Variants in CSMD1 observed in about 807,000 individuals in gnomAD.
The protein encoded by CSMD1 is CUB and sushi domain-containing protein 1.
CSMD1 carries 213 observed loss-of-function variants against 417.5 expected under a neutral mutation model. The observed-to-expected ratio is 0.51, with a 90% confidence interval of 0.46 to 0.57. The LOEUF (loss-of-function observed/expected upper bound fraction) is 0.57. Among genes scored for constraint, CSMD1 ranks in the 20% least tolerant of loss-of-function variants. CSMD1 has a pLI of 0.00. For synonymous variants in CSMD1, 2,862 were observed against 1,736.8 expected, an observed-to-expected ratio of 1.65 and a Z score of -16.11; for missense variants, 6,923 against 4,529.7, an observed-to-expected ratio of 1.53 and a Z score of -15.17.
intron 5 of CSMD1, among the ~76,000 whole-genome samples, chr8:3,968,862 A>G (rs1283300571): frequency 6.6e-6 from 1 of 152,230 alleles, no homozygotes; most frequent in East Asian, 1.9e-4. Context: ...TCGATCACAC[A>G]TCATCTTTTC....
At chr8:3,885,790 G>A (rs563914296) in intron 5 of CSMD1, among the ~76,000 whole-genome samples, 1 of 152,208 alleles carries the variant, frequency 6.6e-6, no homozygotes, top group East Asian at 1.9e-4. Context: ...ACAGAAAGCT[G>A]ACTTTCTTAA....
intron 5 of CSMD1, among the ~76,000 whole-genome samples, chr8:3,912,541 T>A (rs963063646): frequency 5.9e-5 from 9 of 152,154 alleles, no homozygotes; most frequent in African/African-American, 2.2e-4. Context: ...GGCTGGTTAA[T>A]CTTAGCTTCT....
intron 1 of CSMD1, among the ~76,000 whole-genome samples, chr8:4,713,610 T>G (rs1487296377): frequency 6.6e-6 from 1 of 151,870 alleles, no homozygotes; most frequent in South Asian, 2.1e-4. Flanking sequence ...CATATGATAA[T>G]GCATAAAGTT....
chr8:4,124,693 AGGGACT>A (rs1802666011), intron 3 of CSMD1, among the ~76,000 whole-genome samples: 1 of 152,192 alleles, frequency 6.6e-6, no homozygotes, highest in Non-Finnish European at 1.5e-5. Context: ...CTAGGTCAAT[AGGGACT>A]TCCCTAAGGG....
At chr8:2,977,222 G>A (rs188371429) in intron 55 of CSMD1, among the ~76,000 whole-genome samples, 1 of 152,222 alleles carries the variant, frequency 6.6e-6, no homozygotes, top group East Asian at 1.9e-4. Flanking sequence ...TAGGTACCAA[G>A]CCCCATATGC....
chr8:3,706,022 G>A lies in CSMD1; in HGVS notation c.1009+2392C>T, dbSNP rs371597425. On this transcript the variant is annotated intron_variant, in intron 7 of 69. Transcript: ENST00000635120. ...GATGGTAAAGGATTCATGAGGTGCTGAAGAGGAAACGGGGCTCATGGTGGG... is the reference window on the plus strand; with the variant it reads ...GATGGTAAAGGATTCATGAGGTGCTAAAGAGGAAACGGGGCTCATGGTGGG... Among the ~76,000 whole-genome samples the A allele has an allele frequency of 5.3e-5, 8 of 152,362 alleles. No individual in the cohort carries two copies. The South Asian group carries it at 6.2e-4, about 12-fold the overall frequency.
intron 41 of CSMD1, among the ~76,000 whole-genome samples, chr8:3,125,803 C>G (rs369302300): frequency 6.4e-4 from 98 of 152,220 alleles, no homozygotes; most frequent in African/African-American, 2.3e-3. Flanking sequence ...ATGGTGAAAT[C>G]CTATCTCTAC....
intron 3 of CSMD1, among the ~76,000 whole-genome samples, chr8:4,043,925 T>A (rs1432289274): frequency 6.6e-6 from 1 of 152,196 alleles, no homozygotes; most frequent in Non-Finnish European, 1.5e-5. Context: ...AGACCTATGA[T>A]ATTTCCACCA....
At chr8:3,959,623 C>G (rs1441980959) in intron 5 of CSMD1, among the ~76,000 whole-genome samples, 4 of 152,214 alleles carry the variant, frequency 2.6e-5, no homozygotes, top group African/African-American at 7.2e-5. Context: ...CACAGCATCT[C>G]ACTTGTAATT....
chr8:4,949,250 A>C (rs1332832027), intron 1 of CSMD1, among the ~76,000 whole-genome samples: 2 of 152,116 alleles, frequency 1.3e-5, no homozygotes, highest in South Asian at 2.1e-4. Flanking sequence ...ACCTATCTTC[A>C]TAAATGAGAG....
chr8:4,158,446 A>G (rs1195336108), intron 3 of CSMD1, among the ~76,000 whole-genome samples: 2 of 152,208 alleles, frequency 1.3e-5, no homozygotes, highest in African/African-American at 2.4e-5. Context: ...AAAAAATCAA[A>G]GAAACAGTAA....
At chr8:3,312,465 G>A (rs181918459) in intron 23 of CSMD1, among the ~76,000 whole-genome samples, 1 of 152,062 alleles carries the variant, frequency 6.6e-6, no homozygotes, top group Non-Finnish European at 1.5e-5. Flanking sequence ...CCTCTTTCCT[G>A]TCAGAAAGTT....
At chr8:4,406,664 G>T (rs889871554) in intron 3 of CSMD1, among the ~76,000 whole-genome samples, 1 of 152,108 alleles carries the variant, frequency 6.6e-6, no homozygotes, top group Non-Finnish European at 1.5e-5. Flanking sequence ...ACTCCTCCTG[G>T]CCATGCCTTA....
chr8:3,459,417 G>A (rs761885132), intron 12 of CSMD1, among the ~76,000 whole-genome samples: 1 of 152,158 alleles, frequency 6.6e-6, no homozygotes, highest in Admixed American at 6.5e-5. Flanking sequence ...TGCAGCACCA[G>A]TGCCACAGGA....
At chr8:3,463,407 A>G (rs2117163736) in intron 12 of CSMD1, among the ~76,000 whole-genome samples, 1 of 152,346 alleles carries the variant, frequency 6.6e-6, no homozygotes, top group South Asian at 2.1e-4. Flanking sequence ...GGAGGTACAC[A>G]TTATAAACGC....
At chr8:3,907,854 C>T (rs1472630399) in intron 5 of CSMD1, among the ~76,000 whole-genome samples, 3 of 152,174 alleles carry the variant, frequency 2.0e-5, no homozygotes, top group Non-Finnish European at 2.9e-5. Context: ...CTGTGCTCTG[C>T]GGTCCAGGCA....
At chr8:4,971,780 C>T (rs4394419) in intron 1 of CSMD1, among the ~76,000 whole-genome samples, 77,101 of 151,392 alleles carry the variant, frequency 0.51, 20,206 homozygotes, top group Middle Eastern at 0.62. Flanking sequence ...AAAATTAATA[C>T]AATTCTCATT....
chr8:4,784,189 A>T lies in CSMD1; in HGVS notation c.86-146631T>A, dbSNP rs1797291678. ...ACTCAAGTAAAAGTTTGTTCTTACAAAATGAATATTTTATTTGACTTGTTT... is the reference window on the plus strand; with the variant it reads ...ACTCAAGTAAAAGTTTGTTCTTACATAATGAATATTTTATTTGACTTGTTT... On this transcript the variant is annotated intron_variant, in intron 1 of 69. Transcript: ENST00000635120. Among the ~76,000 whole-genome samples the T allele has an allele frequency of 2.6e-5, 4 of 152,236 alleles. No homozygotes were observed. The South Asian group carries it at 8.3e-4, about 32-fold the overall frequency.
At chr8:4,382,348 G>C (rs943936020) in intron 3 of CSMD1, among the ~76,000 whole-genome samples, 3 of 152,186 alleles carry the variant, frequency 2.0e-5, no homozygotes, top group Admixed American at 6.5e-5. Context: ...CTCATGACTG[G>C]TCGACCAATG....
Sources: allele counts gnomAD v4.1 joint callset (sites outside exome capture counted in the v4.1 genomes callset), GRCh38; gene constraint gnomAD v4.1.1; transcripts MANE v1.5; gene names NCBI Gene and HGNC (gene_info 2026-07-23, HGNC 2026-07-21).